The following PRKCE variants were observed in gnomAD, a reference collection of about 807,000 sequenced individuals.
PRKCE encodes protein kinase C epsilon.
Under a neutral mutation model 85.4 loss-of-function variants are expected in PRKCE, and 16 were observed. That is an observed-to-expected ratio of 0.19 (90% CI 0.13 to 0.28). The LOEUF (loss-of-function observed/expected upper bound fraction) is 0.28. PRKCE is among the 10% of genes least tolerant of loss of function. The probability of loss-of-function intolerance (pLI) is 1.00; values close to 1 mark genes in which losing one functional copy is unlikely to be tolerated. For missense variants in PRKCE, 573 were observed against 975.2 expected, an observed-to-expected ratio of 0.59 and a Z score of 5.49; for synonymous variants, 388 against 371.5, an observed-to-expected ratio of 1.04 and a Z score of -0.51.
intron 1 of PRKCE, among the ~76,000 whole-genome samples, chr2:45,664,122 A>G (rs1572884028): frequency 6.6e-6 from 1 of 152,324 alleles, no homozygotes; most frequent in Middle Eastern, 3.4e-3. Flanking sequence ...ACAATCTCAC[A>G]TGCTGCATTT....
Position 45,895,416 on chromosome 2 carries a change from C to T in PRKCE, c.412+52353C>T, listed in dbSNP as rs145203016. 1.4e-3 allele frequency among the ~76,000 whole-genome samples: 207 copies of T among 152,286 alleles called. 1 individual carries two copies. The highest frequency in any genetic ancestry group is 4.7e-3 in the African/African-American group (195 of 41,552). ...ACAATGAGGGGAGGCCTAACTGCCT[C>T]TCCGCACCCTGATGTCATCTGGCTG... On this transcript the variant is annotated intron_variant, in intron 2 of 14. Coordinates refer to ENST00000306156, the MANE Select transcript of PRKCE (RefSeq NM_005400.3). This position sits in a 1 kb window ranked among gnomAD's most constrained non-coding sequence, Gnocchi z 4.8.
At position 46,085,736 on chromosome 2, in the gene PRKCE, G is replaced by GTTT. The variant is rs1170933914; in HGVS notation, c.1438-462_1438-460dup. ...TCACTTAATTACATCTGCAAAATCC[G>GTTT]TTTTTTTTTTTTGTTTTTGTTTTTT... On this transcript the variant is annotated intron_variant, in intron 10 of 14. Coordinates refer to ENST00000306156, the MANE Select transcript of PRKCE (RefSeq NM_005400.3). Among the ~76,000 whole-genome samples, 296 of 104,562 alleles carry GTTT rather than the reference G, an allele frequency of 2.8e-3. 67 individuals carry two copies. Among genetic ancestry groups the GTTT allele is most frequent in the Middle Eastern group, 0.011 (2 of 188 alleles). The allele number at this position is 104,562 out of a possible 152,430, so 68.6% of individuals were successfully genotyped here.
At chr2:45,814,752 C>T (rs986458486) in intron 1 of PRKCE, among the ~76,000 whole-genome samples, 5 of 152,174 alleles carry the variant, frequency 3.3e-5, no homozygotes, top group African/African-American at 1.2e-4. Flanking sequence ...GAGTTGCTGA[C>T]ATGTCCTAGC....
intron 1 of PRKCE, among the ~76,000 whole-genome samples, chr2:45,745,842 G>C (rs150009204): frequency 6.6e-6 from 1 of 152,232 alleles, no homozygotes; most frequent in East Asian, 1.9e-4. Context: ...GTTCAGCATC[G>C]AATTTCTTTT....
At chr2:45,902,644 C>G (rs1696664392) in intron 2 of PRKCE, among the ~76,000 whole-genome samples, 1 of 152,138 alleles carries the variant, frequency 6.6e-6, no homozygotes, top group Admixed American at 6.5e-5. Context: ...TGGGTAAGGT[C>G]TTCAAGAAAG....
chr2:45,661,429 C>T (rs188759427), intron 1 of PRKCE, among the ~76,000 whole-genome samples: 2 of 151,860 alleles, frequency 1.3e-5, no homozygotes, highest in Non-Finnish European at 2.9e-5. Context: ...GTGATCCACC[C>T]GCCTCAGCCT....
chr2:46,116,724 T>TC (rs372667076), intron 11 of PRKCE, among the ~76,000 whole-genome samples: 15 of 144,776 alleles, frequency 1.0e-4, no homozygotes, highest in African/African-American at 3.5e-4. Flanking sequence ...ATGGTGCTGT[T>TC]CCTGAGAAGG....
At chr2:45,955,646 C>G (rs1700921556) in intron 2 of PRKCE, among the ~76,000 whole-genome samples, 1 of 152,064 alleles carries the variant, frequency 6.6e-6, no homozygotes, top group Non-Finnish European at 1.5e-5. Flanking sequence ...TAGTGAGATG[C>G]TCATCTCAAA....
chr2:45,950,635 C>T (rs1325822468), intron 2 of PRKCE, among the ~76,000 whole-genome samples: 2 of 152,098 alleles, frequency 1.3e-5, no homozygotes, highest in Non-Finnish European at 2.9e-5. Flanking sequence ...TTTGATGATG[C>T]CCAGGCCAAG....
At position 45,686,145 on chromosome 2, in the gene PRKCE, A is replaced by C. The variant is rs567472785; in HGVS notation, c.348+33697A>C. ...GGAAGGAGTATGCAAGCAGAAACCC[A>C]GAGGGCTTTAGCAGGGTAAATGTAG... On this transcript the variant is annotated intron_variant, in intron 1 of 14. Transcript: ENST00000306156. 3 of 152,280 alleles carry C rather than the reference A, an allele frequency of 2.0e-5. No homozygotes were observed. In the East Asian group the frequency reaches 5.8e-4, roughly 29 times the overall value. 9.4% of individuals were successfully genotyped at this position (152,280 alleles called of 1,614,324 possible).
intron 1 of PRKCE, among the ~76,000 whole-genome samples, chr2:45,681,642 C>T (rs943684758): frequency 6.6e-6 from 1 of 152,206 alleles, no homozygotes; most frequent in African/African-American, 2.4e-5. Flanking sequence ...TGCTGATTAT[C>T]TCTACCTGGG....
intron 10 of PRKCE, among the ~76,000 whole-genome samples, chr2:46,051,955 C>T (rs1251011964): frequency 6.6e-6 from 1 of 152,120 alleles, no homozygotes; most frequent in African/African-American, 2.4e-5. Flanking sequence ...GTCACTATCA[C>T]AAGAACAGCA....
chr2:46,163,078 T>G (rs1232951919), intron 14 of PRKCE, among the ~76,000 whole-genome samples: 1 of 152,238 alleles, frequency 6.6e-6, no homozygotes, highest in Non-Finnish European at 1.5e-5. Flanking sequence ...ATCGCGCCCC[T>G]GTAACCAACT....
intron 1 of PRKCE, among the ~76,000 whole-genome samples, chr2:45,753,846 C>T (rs1434752239): frequency 6.6e-6 from 1 of 152,174 alleles, no homozygotes; most frequent in Non-Finnish European, 1.5e-5. Context: ...ATTCCCCTCC[C>T]AAATATTTCT....
intron 12 of PRKCE, among the ~76,000 whole-genome samples, chr2:46,149,738 T>C (rs1676427344): frequency 6.7e-6 from 1 of 149,006 alleles, no homozygotes; most frequent in Non-Finnish European, 1.5e-5. Context: ...TTTATATATA[T>C]GTATTTATAT....
chr2:45,710,585 C>T (rs920699420), intron 1 of PRKCE, among the ~76,000 whole-genome samples: 1 of 152,192 alleles, frequency 6.6e-6, no homozygotes, highest in African/African-American at 2.4e-5. Context: ...ATTCCATTGC[C>T]AGGCCCCAGG....
intron 2 of PRKCE, among the ~76,000 whole-genome samples, chr2:45,888,399 C>T (rs763690325): frequency 2.0e-5 from 3 of 149,558 alleles, no homozygotes; most frequent in Non-Finnish European, 3.0e-5. Context: ...GTTCCCCAAA[C>T]ATTTGGCCAC....
intron 1 of PRKCE, among the ~76,000 whole-genome samples, chr2:45,712,663 A>G (rs573388963): frequency 1.4e-4 from 21 of 152,244 alleles, no homozygotes; most frequent in Admixed American, 1.2e-3. Context: ...TGGACAGGCC[A>G]TTCCCTTTGC....
chr2:45,667,138 C>T (rs1675951236), intron 1 of PRKCE, among the ~76,000 whole-genome samples: 1 of 152,068 alleles, frequency 6.6e-6, no homozygotes, highest in Non-Finnish European at 1.5e-5. Context: ...TGGTGAAACC[C>T]CATCTCTACT....
Sources: allele counts gnomAD v4.1 joint callset (sites outside exome capture counted in the v4.1 genomes callset), GRCh38; gene constraint gnomAD v4.1.1; non-coding constraint Gnocchi (gnomAD v3.1); transcripts MANE v1.5; gene names NCBI Gene and HGNC (gene_info 2026-07-23, HGNC 2026-07-21).